The following PCDHA5 variants were observed in gnomAD, a reference collection of about 807,000 sequenced individuals.
PCDHA5 encodes protocadherin alpha 5.
PCDHA5 carries 43 observed loss-of-function variants against 61.6 expected under a neutral mutation model. That is an observed-to-expected ratio of 0.70 (90% confidence interval 0.55 to 0.90). The LOEUF (loss-of-function observed/expected upper bound fraction) is 0.90. Among genes scored for constraint, PCDHA5 ranks in the 40% least tolerant of loss-of-function variants. The pLI is 0.00. For synonymous variants in PCDHA5, 627 were observed against 543.9 expected, an observed-to-expected ratio of 1.15 and a Z score of -2.13; for missense variants, 1,298 against 1,222.7, an observed-to-expected ratio of 1.06 and a Z score of -0.92.
intron 1 of PCDHA5, chr5:140,882,175 G>T: frequency 6.6e-7 from 1 of 1,515,152 alleles, no homozygotes; most frequent in Non-Finnish European, 8.8e-7. Flanking sequence ...GAATCCTTCC[G>T]CACTAGGAAG....
chr5:140,936,868 A>T (rs543976186), intron 1 of PCDHA5, among the ~76,000 whole-genome samples: 3 of 152,270 alleles, frequency 2.0e-5, no homozygotes, highest in South Asian at 2.1e-4. Flanking sequence ...TTTCTATTTT[A>T]AAAAACCCTG....
intron 1 of PCDHA5, chr5:140,857,545 C>A (rs782516369): frequency 6.3e-7 from 1 of 1,596,810 alleles, no homozygotes; most frequent in African/African-American, 1.3e-5. Flanking sequence ...GGCGGTTGGG[C>A]GAGCGCTCGC....
intron 1 of PCDHA5, among the ~76,000 whole-genome samples, chr5:140,943,783 C>A (rs1388163068): frequency 1.3e-5 from 2 of 152,102 alleles, no homozygotes; most frequent in Non-Finnish European, 2.9e-5. Context: ...AGGAAGTGGT[C>A]CTTTATGCAA....
intron 1 of PCDHA5, chr5:140,841,807 TG>T (rs2150323037): frequency 6.8e-6 from 11 of 1,613,820 alleles, no homozygotes; most frequent in Non-Finnish European, 9.3e-6. Flanking sequence ...ATGCAGATGT[TG>T]GAGCTAACTC....
At position 140,849,787 on chromosome 5, in the gene PCDHA5, G is replaced by T. The variant is rs1421161535; in HGVS notation, c.2352+25660G>T. 3 of 1,598,342 alleles carry T rather than the reference G, an allele frequency of 1.9e-6. 1 individual carries two copies. In the African/African-American group the frequency reaches 4.0e-5, roughly 21 times the overall value. On this transcript the variant is annotated intron_variant, in intron 1 of 3. Transcript: ENST00000529859. Reference sequence around the variant, plus strand: ...CTGGTGGTTACCGCGCGGGACGGGGGCTCGCCTTCACTGTGGGCCACGGCC... The same window carrying T: ...CTGGTGGTTACCGCGCGGGACGGGGTCTCGCCTTCACTGTGGGCCACGGCC...
chr5:140,906,010 C>T (rs1465949058), intron 1 of PCDHA5, among the ~76,000 whole-genome samples: 1 of 152,210 alleles, frequency 6.6e-6, no homozygotes, highest in Admixed American at 6.5e-5. Flanking sequence ...CTAAGCCAGT[C>T]TAATCTCTCC....
intron 1 of PCDHA5, among the ~76,000 whole-genome samples, chr5:140,931,261 A>G (rs1455233876): frequency 6.6e-6 from 1 of 152,152 alleles, no homozygotes; most frequent in African/African-American, 2.4e-5. Flanking sequence ...AAATTTCACT[A>G]TTTATTTCTT....
chr5:140,871,106 T>C (rs1554165125), intron 1 of PCDHA5: 1 of 1,613,128 alleles, frequency 6.2e-7, no homozygotes, highest in African/African-American at 1.3e-5. Context: ...CTGGTGTCGT[T>C]GGTGGAGAGC....
intron 1 of PCDHA5, among the ~76,000 whole-genome samples, chr5:140,833,243 A>G (rs1356488600): frequency 6.6e-6 from 1 of 152,204 alleles, no homozygotes; most frequent in Non-Finnish European, 1.5e-5. Context: ...AGCTACTGCA[A>G]TACACCAGGA....
intron 3 of PCDHA5, among the ~76,000 whole-genome samples, chr5:141,000,417 A>AT (rs1563652061): frequency 7.5e-4 from 58 of 77,708 alleles, no homozygotes; most frequent in African/African-American, 1.3e-3. Context: ...ATATATATAT[A>AT]TATATTTTTT....
chr5:140,823,078 T>G lies in PCDHA5; in HGVS notation c.1303T>G (p.Trp435Gly), dbSNP rs1581791056. The change falls in exon 1 of 4, where the codon TGG becomes GGG. Residue 435 changes from tryptophan (W) to glycine (G), a missense_variant. Trp to Gly is a radical substitution (Grantham distance 184). Coordinates refer to ENST00000529859, the MANE Select transcript of PCDHA5 (RefSeq NM_018908.3). ...TARDGGSPSL[W>G]ATASVSVEVA... ...GCGGGACGGGGGCTCGCCTTCGCTG[T>G]GGGCCACCGCCAGCGTGTCTGTGGA... 6.2e-7 allele frequency: 1 copy of G among 1,613,880 alleles called. No homozygotes were observed. The highest frequency in any genetic ancestry group is 8.5e-7 in the Non-Finnish European group (1 of 1,179,992).
intron 1 of PCDHA5, among the ~76,000 whole-genome samples, chr5:140,975,052 T>C (rs2096651440): frequency 6.6e-6 from 1 of 152,206 alleles, no homozygotes; most frequent in South Asian, 2.1e-4. Context: ...AGGAAGAATC[T>C]ACTATCGAGC....
chr5:140,970,641 T>C (rs1430565577), intron 1 of PCDHA5, among the ~76,000 whole-genome samples: 1 of 152,170 alleles, frequency 6.6e-6, no homozygotes, highest in African/African-American at 2.4e-5. Context: ...GTACCATAAA[T>C]AGTGATGAAT....
chr5:140,863,401 CCCACGCTGGTGT>C, intron 1 of PCDHA5: 2 of 854,408 alleles, frequency 2.3e-6, no homozygotes, highest in East Asian at 4.2e-5. Flanking sequence ...GCCGGGCAAG[CCCACGCTGGTGT>C]ACCGCAGCGT....
intron 3 of PCDHA5, among the ~76,000 whole-genome samples, chr5:140,985,402 C>T (rs1554247027): frequency 6.6e-6 from 1 of 152,118 alleles, no homozygotes; most frequent in African/African-American, 2.4e-5. Context: ...CAACTGTTCC[C>T]CTGGAAATGG....
chr5:140,871,290 C>T, intron 1 of PCDHA5: 8 of 1,613,900 alleles, frequency 5.0e-6, no homozygotes, highest in African/African-American at 1.3e-5. Context: ...CCACTGAGGG[C>T]GCGTGCGCGC....
chr5:140,946,326 A>T (rs1554217498), intron 1 of PCDHA5, among the ~76,000 whole-genome samples: 1 of 151,914 alleles, frequency 6.6e-6, no homozygotes, highest in East Asian at 1.9e-4. Context: ...GAAAGAGGAA[A>T]GATAACAAGT....
chr5:140,840,412 A>G (rs1776685297), intron 1 of PCDHA5, among the ~76,000 whole-genome samples: 3 of 151,982 alleles, frequency 2.0e-5, no homozygotes, highest in Non-Finnish European at 4.4e-5. Flanking sequence ...GAATACTTCA[A>G]ATAATAGGCT....
At chr5:140,836,745 C>A in intron 1 of PCDHA5, 1 of 1,588,116 alleles carries the variant, frequency 6.3e-7, no homozygotes, top group Non-Finnish European at 8.6e-7. Flanking sequence ...CAATGTGAGT[C>A]ATAAATAATC....
Sources: allele counts gnomAD v4.1 joint callset (sites outside exome capture counted in the v4.1 genomes callset), GRCh38; gene constraint gnomAD v4.1.1; transcripts MANE v1.5; gene names NCBI Gene and HGNC (gene_info 2026-07-23, HGNC 2026-07-21).